Variants in USP43 observed in about 807,000 individuals in gnomAD.
USP43 encodes the protein ubiquitin specific peptidase 43.
USP43 carries 33 observed loss-of-function variants against 90.7 expected under a neutral mutation model. The ratio of observed to expected loss-of-function variants is 0.36; its 90% CI spans 0.28 to 0.49. The LOEUF (loss-of-function observed/expected upper bound fraction) is 0.49. USP43 is among the 20% of genes least tolerant of loss of function. The pLI is 0.98. For synonymous variants in USP43, 598 were observed against 615.8 expected (o/e 0.97, Z 0.43); for missense variants, 1,274 against 1,476.4 (o/e 0.86, Z 2.25).
At chr17:9,664,495 G>A (rs75891972) in intron 2 of USP43, among the ~76,000 whole-genome samples, 2,876 of 152,224 alleles carry the variant, frequency 0.019, 74 homozygotes, top group African/African-American at 0.057. Context: ...ATATAGACAG[G>A]TGCACGATGT....
intron 14 of USP43, among the ~76,000 whole-genome samples, chr17:9,724,900 G>A (rs1257466405): frequency 1.3e-5 from 2 of 151,132 alleles, no homozygotes; most frequent in Non-Finnish European, 2.9e-5. Context: ...GACAGAAGGT[G>A]CTCAACTAGG....
chr17:9,647,913 G>C (rs940332239), intron 1 of USP43, among the ~76,000 whole-genome samples: 1 of 151,994 alleles, frequency 6.6e-6, no homozygotes, highest in East Asian at 1.9e-4. Context: ...CCCAGCTACT[G>C]GGGAGGCTGG....
intron 12 of USP43, among the ~76,000 whole-genome samples, chr17:9,705,240 C>T (rs1239965519): frequency 6.7e-6 from 1 of 149,172 alleles, no homozygotes; most frequent in African/African-American, 2.5e-5. Flanking sequence ...TATATATTTC[C>T]TTCCCACCCC....
Position 9,674,813 on chromosome 17 carries a change from G to T in USP43, c.741-78G>T. The T allele has an allele frequency of 8.3e-7, 1 of 1,208,090 alleles. No individual in the cohort carries two copies. Among genetic ancestry groups the T allele is most frequent in the Non-Finnish European group, 1.2e-6 (1 of 815,474 alleles). The allele number at this position is 1,208,090 out of a possible 1,614,324, so 74.8% of individuals were successfully genotyped here. A position where few individuals can be genotyped will look rare whatever the true frequency, so the allele number is the denominator to read the frequency against. ...GGAATCACAGGGAGTGGAAATGCAA[G>T]GATAATTCTGTATTGAATTTTACCC... On this transcript the variant is annotated intron_variant, in intron 3 of 14. Transcript: ENST00000285199. This position sits in a 1 kb window ranked among gnomAD's most constrained non-coding sequence, Gnocchi z 4.4.
chr17:9,678,966 T>A (rs1567659180), intron 5 of USP43, among the ~76,000 whole-genome samples: 1 of 152,250 alleles, frequency 6.6e-6, no homozygotes, highest in East Asian at 1.9e-4. Flanking sequence ...AACACAAGGA[T>A]CTTGGTATGC....
At position 9,709,557 on chromosome 17, in the gene USP43, A is replaced by C. The variant is rs925565543; in HGVS notation, c.2012-399A>C. Among the ~76,000 whole-genome samples, 5 of 151,960 alleles carry C rather than the reference A, an allele frequency of 3.3e-5. No individual in the cohort carries two copies. In the South Asian group the frequency reaches 8.3e-4, roughly 25 times the overall value. Reference sequence around the variant, plus strand: ...ATGGTGAAACCCCATCTCTAATAAAAATATAAATATTAGCCGGGTGTGGTG... The same window carrying C: ...ATGGTGAAACCCCATCTCTAATAAACATATAAATATTAGCCGGGTGTGGTG... On this transcript the variant is annotated intron_variant, in intron 12 of 14. Coordinates refer to ENST00000285199, the MANE Select transcript of USP43 (RefSeq NM_153210.5). The surrounding 1 kb of genome is among the most constrained non-coding windows in gnomAD (Gnocchi z 5.0).
intron 14 of USP43, among the ~76,000 whole-genome samples, chr17:9,718,896 C>T (rs1011889117): frequency 6.6e-6 from 1 of 151,158 alleles, no homozygotes; most frequent in Non-Finnish European, 1.5e-5. Context: ...CTATTTCATG[C>T]AGTATGTTTT....
intron 14 of USP43, among the ~76,000 whole-genome samples, chr17:9,718,427 G>A (rs1463659760): frequency 1.3e-5 from 2 of 152,168 alleles, no homozygotes; most frequent in Admixed American, 6.5e-5. Flanking sequence ...GGTTTACAGT[G>A]ATTTATGTGT....
At chr17:9,727,839 G>A in intron 14 of USP43, 115 bp from the exon 15 acceptor site, 2 of 1,195,006 alleles carry the variant, frequency 1.7e-6, no homozygotes, top group Non-Finnish European at 2.3e-6. Context: ...TCACTGCTGT[G>A]TCTCCAGTGC....
At chr17:9,669,255 A>G (rs922045285) in intron 3 of USP43, among the ~76,000 whole-genome samples, 1 of 152,178 alleles carries the variant, frequency 6.6e-6, no homozygotes, top group African/African-American at 2.4e-5. Flanking sequence ...AACAAGGGAA[A>G]GGGGAGTATA....
Position 9,701,429 on chromosome 17 carries a change from G to A in USP43, c.1740G>A (p.Thr580=), listed in dbSNP as rs766594345. 17 of 1,601,580 alleles carry A rather than the reference G, an allele frequency of 1.1e-5. No homozygotes were observed. The highest frequency in any genetic ancestry group is 4.5e-5 in the South Asian group (4 of 88,394). The change falls in exon 12 of 15, where the codon ACG becomes ACA. Residue 580 remains threonine, a synonymous_variant. Transcript: ENST00000285199. This position sits in a 1 kb window ranked among gnomAD's most constrained non-coding sequence, Gnocchi z 7.2. ...QQGMVKLSLW[T]LPDILIIHLK... is the part of the protein sequence containing the mutation. The stretch of plus-strand genomic sequence containing the variant: ...GGATGGTGAAGCTGAGTTTGTGGAC[G>A]CTGCCTGACATCCTCATCATCCACC...
intron 8 of USP43, among the ~76,000 whole-genome samples, chr17:9,688,609 A>G (rs1914745328): frequency 6.6e-6 from 1 of 152,070 alleles, no homozygotes; most frequent in Non-Finnish European, 1.5e-5. Context: ...TCAACCTCCC[A>G]AAGTGCTGGG....
chr17:9,680,573 A>G (rs1914099497), intron 6 of USP43, among the ~76,000 whole-genome samples: 1 of 152,180 alleles, frequency 6.6e-6, no homozygotes, highest in Non-Finnish European at 1.5e-5. Context: ...CTTAGTGAAT[A>G]TTAGAATCAC....
intron 14 of USP43, among the ~76,000 whole-genome samples, chr17:9,723,959 T>C (rs1236080665): frequency 1.3e-5 from 2 of 152,196 alleles, no homozygotes; most frequent in Admixed American, 1.3e-4. Flanking sequence ...GTCCCTGTTT[T>C]TTCATTATCT....
rs1913662367 is a variant in USP43 at position 9,674,856 on chromosome 17, G to T, written c.741-35G>T. 6.4e-7 allele frequency: 1 copy of T among 1,569,902 alleles called. No individual in the cohort carries two copies. On this transcript the variant is annotated intron_variant, in intron 3 of 14. Coordinates refer to ENST00000285199, the MANE Select transcript of USP43 (RefSeq NM_153210.5). The surrounding 1 kb of genome is among the most constrained non-coding windows in gnomAD (Gnocchi z 4.4). ...TTTTACCCCCAAATTGTTTACGTGT[G>T]ATTAAACGTTCGCCTCTGTTCTTCA...
chr17:9,722,155 C>CT (rs1402787639), intron 14 of USP43, among the ~76,000 whole-genome samples: 1 of 152,006 alleles, frequency 6.6e-6, no homozygotes, highest in Non-Finnish European at 1.5e-5. Context: ...ATAAATTGTG[C>CT]TTTTTATTAT....
At chr17:9,714,150 G>T (rs1479176669) in intron 14 of USP43, among the ~76,000 whole-genome samples, 1 of 152,142 alleles carries the variant, frequency 6.6e-6, no homozygotes, top group Non-Finnish European at 1.5e-5. Context: ...GCGAGTGATG[G>T]GGAGCAGCTG....
chr17:9,699,438 T>C (rs1273974056), intron 9 of USP43, among the ~76,000 whole-genome samples: 1 of 152,218 alleles, frequency 6.6e-6, no homozygotes, highest in Non-Finnish European at 1.5e-5. Flanking sequence ...TTCCATGAGC[T>C]CAAAACCTTT....
rs900087160 is a variant in USP43, at chr17:9,645,809, G to A, written c.177G>A (p.Gly59=). 7.2e-7 allele frequency: 1 copy of A among 1,388,816 alleles called. No individual in the cohort carries two copies. Among genetic ancestry groups the A allele is most frequent in the Admixed American group, 4.0e-5 (1 of 25,288 alleles). The allele number at this position is 1,388,816 out of a possible 1,614,324, so 86.0% of individuals were successfully genotyped here. The part of the protein sequence containing the change: ...QPGHCDGDGE[G]GFACAPGPVP... ...GACACTGTGATGGCGACGGTGAGGG[G>A]GGCTTCGCCTGCGCCCCGGGCCCAG... The change falls in exon 1 of 15, where the codon GGG becomes GGA. Residue 59 remains glycine, a synonymous_variant. Transcript: ENST00000285199. The surrounding 1 kb of genome is among the most constrained non-coding windows in gnomAD (Gnocchi z 6.8).
Sources: allele counts gnomAD v4.1 joint callset (sites outside exome capture counted in the v4.1 genomes callset), GRCh38; gene constraint gnomAD v4.1.1; non-coding constraint Gnocchi (gnomAD v3.1); transcripts MANE v1.5; gene names NCBI Gene and HGNC (gene_info 2026-07-23, HGNC 2026-07-21).